The following SLC23A2 variants were observed in gnomAD, a reference collection of about 807,000 sequenced individuals.
SLC23A2 encodes the protein solute carrier family 23 member 2.
Under a neutral mutation model 73.3 loss-of-function variants are expected in SLC23A2, and 36 were observed. The observed-to-expected ratio is 0.49, with a 90% CI of 0.38 to 0.65. The LOEUF is 0.65. SLC23A2 is among the 30% of genes least tolerant of loss of function. The pLI is 0.00. For missense variants in SLC23A2, 507 were observed against 841.6 expected, an observed-to-expected ratio of 0.60 and a Z score of 4.92; for synonymous variants, 343 against 327.3, an observed-to-expected ratio of 1.05 and a Z score of -0.52.
In SLC23A2 at chr20:4,912,889, A is replaced by C; in HGVS notation, c.198T>G (p.Ile66Met). ...GTGACGGAAGGGGTACCTTTTCTGC[A>C]ATGCCGTTTTCCGTAGTGTAGATCG... ...LMAIYTTENG[I>M]AEKSSLAETL... is the part of the protein sequence containing the mutation. The change falls in exon 4 of 17, where the codon ATT (isoleucine) becomes ATG (methionine). Residue 66 changes from isoleucine to methionine, a missense_variant. This residue lies in a region of SLC23A2 where 78 missense variants were observed against 86.7 expected (regional missense o/e 0.90). Transcript: ENST00000338244. 1 of 1,608,738 alleles carries C rather than the reference A, an allele frequency of 6.2e-7. No homozygotes were observed. Among genetic ancestry groups the C allele is most frequent in the Non-Finnish European group, 8.5e-7 (1 of 1,175,304 alleles).
chr20:4,911,690 C>T (rs2122892298), intron 4 of SLC23A2, among the ~76,000 whole-genome samples: 1 of 152,100 alleles, frequency 6.6e-6, no homozygotes, highest in Admixed American at 6.5e-5. Flanking sequence ...TAAAATCTAT[C>T]AAGTAAAACT....
At chr20:4,922,542 G>T (rs916134730) in intron 3 of SLC23A2, among the ~76,000 whole-genome samples, 1 of 152,146 alleles carries the variant, frequency 6.6e-6, no homozygotes, top group African/African-American at 2.4e-5. Flanking sequence ...ATTAAGAGGT[G>T]AGAGGCCGGG....
At chr20:4,917,418 C>T (rs1932361888) in intron 3 of SLC23A2, among the ~76,000 whole-genome samples, 1 of 152,088 alleles carries the variant, frequency 6.6e-6, no homozygotes, top group Non-Finnish European at 1.5e-5. Flanking sequence ...GGGGAGATGC[C>T]ATCACAGCAC....
intron 2 of SLC23A2, among the ~76,000 whole-genome samples, chr20:4,961,513 G>A (rs961224830): frequency 5.9e-5 from 9 of 152,104 alleles, no homozygotes; most frequent in East Asian, 1.9e-4. Flanking sequence ...ACACAAATTC[G>A]TAACTTTCTT....
chr20:5,006,447 G>T (rs980903993), upstream of SLC23A2, among the ~76,000 whole-genome samples: 3 of 152,030 alleles, frequency 2.0e-5, no homozygotes, highest in Non-Finnish European at 4.4e-5. Context: ...GAAAATAATA[G>T]AATTTGGGGG....
intron 1 of SLC23A2, among the ~76,000 whole-genome samples, chr20:4,997,161 T>C (rs2088037678): frequency 6.6e-6 from 1 of 152,170 alleles, no homozygotes; most frequent in South Asian, 2.1e-4. Context: ...CTTGCTGTCC[T>C]GCCTTCAATC....
upstream of SLC23A2, among the ~76,000 whole-genome samples, chr20:5,003,384 AAAAAC>A (rs56329268): frequency 2.0e-5 from 3 of 152,174 alleles, no homozygotes; most frequent in Admixed American, 6.6e-5. Flanking sequence ...ACTCCGTCTC[AAAAAC>A]AAAACAAAAC....
intron 2 of SLC23A2, among the ~76,000 whole-genome samples, chr20:4,948,819 T>G (rs1236014996): frequency 6.6e-6 from 1 of 152,210 alleles, no homozygotes; most frequent in East Asian, 1.9e-4. Flanking sequence ...GATGTCTTGC[T>G]TTTTTCTGGT....
At chr20:4,900,017 C>T (rs1310589526) in intron 5 of SLC23A2, among the ~76,000 whole-genome samples, 1 of 152,086 alleles carries the variant, frequency 6.6e-6, no homozygotes, top group Non-Finnish European at 1.5e-5. Flanking sequence ...ATTACAGGGG[C>T]GCACCACCAC....
chr20:4,900,163 C>T lies in SLC23A2; in HGVS notation c.325-451G>A, dbSNP rs572473440. ...CTGGGATTACAGGCGTGAGCCACCA[C>T]GCCCAGCTGCATTTCTCCTTTTCAT... On this transcript the variant is annotated intron_variant, in intron 5 of 16. Coordinates refer to ENST00000338244, the MANE Select transcript of SLC23A2 (RefSeq NM_005116.6). Among the ~76,000 whole-genome samples, 7 of 152,374 alleles carry T rather than the reference C, an allele frequency of 4.6e-5. No homozygotes were observed. In the South Asian group the frequency reaches 6.2e-4, roughly 14 times the overall value.
chr20:4,888,903 G>A (rs1931208420), intron 6 of SLC23A2, among the ~76,000 whole-genome samples: 1 of 152,190 alleles, frequency 6.6e-6, no homozygotes, highest in African/African-American at 2.4e-5. Context: ...GTCCTGGTTA[G>A]CCAGATTCAG....
At chr20:4,994,064 C>A (rs905514813) in intron 1 of SLC23A2, among the ~76,000 whole-genome samples, 1 of 152,170 alleles carries the variant, frequency 6.6e-6, no homozygotes, top group Non-Finnish European at 1.5e-5. Context: ...GCACTCCAGC[C>A]TGGGTGACAG....
chr20:4,870,759 G>A (rs1280176656), intron 11 of SLC23A2, among the ~76,000 whole-genome samples: 1 of 152,184 alleles, frequency 6.6e-6, no homozygotes, highest in Non-Finnish European at 1.5e-5. Flanking sequence ...CAAAGCAGCA[G>A]TGGCCTTCCC....
intron 1 of SLC23A2, among the ~76,000 whole-genome samples, chr20:4,972,985 A>G (rs1020655172): frequency 1.3e-5 from 2 of 152,252 alleles, no homozygotes; most frequent in Non-Finnish European, 2.9e-5. Context: ...ACATGAGAAA[A>G]GAAAACAAGA....
chr20:4,923,657 T>C (rs1932572696), intron 3 of SLC23A2, among the ~76,000 whole-genome samples: 2 of 152,166 alleles, frequency 1.3e-5, no homozygotes, highest in Admixed American at 6.5e-5. Context: ...AGACAACTAT[T>C]ATTACCATCC....
chr20:4,951,859 T>G (rs2087207554), intron 2 of SLC23A2, among the ~76,000 whole-genome samples: 1 of 151,888 alleles, frequency 6.6e-6, no homozygotes, highest in African/African-American at 2.4e-5. Flanking sequence ...ATCCTAGCAC[T>G]TTGGGAGGCT....
chr20:4,975,308 A>G (rs2087626193), intron 1 of SLC23A2, among the ~76,000 whole-genome samples: 1 of 152,170 alleles, frequency 6.6e-6, no homozygotes, highest in South Asian at 2.1e-4. Flanking sequence ...TCATTGGTGC[A>G]GCGGTGAGTA....
intron 2 of SLC23A2, among the ~76,000 whole-genome samples, chr20:4,944,032 G>GA (rs1362098176): frequency 6.6e-6 from 1 of 152,214 alleles, no homozygotes; most frequent in Non-Finnish European, 1.5e-5. Flanking sequence ...GGAACCTTTG[G>GA]AATGATAGAA....
chr20:4,940,277 T>TTCTTGGC (rs527519570), intron 2 of SLC23A2, among the ~76,000 whole-genome samples: 314 of 152,280 alleles, frequency 2.1e-3, no homozygotes, highest in Middle Eastern at 0.01. Flanking sequence ...ATCATGCCGC[T>TTCTTGGC]TCACTACAGC....
Sources: gnomAD v4.1 joint callset for allele counts (sites outside exome capture counted in the v4.1 genomes callset) on GRCh38, gnomAD v4.1.1 for gene constraint, gnomAD v4.1.1 regional missense constraint, MANE v1.5 for transcripts, NCBI Gene and HGNC (gene_info 2026-07-23, HGNC 2026-07-21) for gene names.